Variants in SRPK1 observed in about 807,000 individuals in gnomAD.
SRPK1 encodes SFRS protein kinase 1.
Under a neutral mutation model 89.5 loss-of-function variants are expected in SRPK1, and 52 were observed. That is an observed-to-expected ratio of 0.58 (90% CI 0.46 to 0.73). The LOEUF (loss-of-function observed/expected upper bound fraction) is 0.73. Among genes scored for constraint, SRPK1 ranks in the 30% least tolerant of loss-of-function variants. The pLI, the probability that SRPK1 is intolerant of heterozygous loss-of-function variation, is 0.00. For missense variants in SRPK1, 603 were observed against 780.6 expected (o/e 0.77, Z 2.71); for synonymous variants, 255 against 270.2 (o/e 0.94, Z 0.55).
chr6:35,868,139 AT>A (rs1769948165), intron 12 of SRPK1, among the ~76,000 whole-genome samples: 1 of 151,656 alleles, frequency 6.6e-6, no homozygotes, highest in African/African-American at 2.4e-5. Context: ...CGCCTGGCTA[AT>A]TTTTTTGTAT....
intron 2 of SRPK1, among the ~76,000 whole-genome samples, chr6:35,892,730 C>T (rs1217555728): frequency 1.3e-5 from 2 of 151,866 alleles, no homozygotes; most frequent in East Asian, 3.9e-4. Flanking sequence ...AGGCAGGGTA[C>T]ACAGCATTCC....
At chr6:35,885,260 AACACACAC>A (rs71540130) in intron 6 of SRPK1, among the ~76,000 whole-genome samples, 1,170 of 111,834 alleles carry the variant, frequency 0.01, 11 homozygotes, top group Non-Finnish European at 0.014. Flanking sequence ...TAATTCTTTG[AACACACAC>A]ACACACACAC....
At chr6:35,881,451 A>T (rs937049731) in intron 6 of SRPK1, among the ~76,000 whole-genome samples, 3 of 89,690 alleles carry the variant, frequency 3.3e-5, no homozygotes, top group Middle Eastern at 5.7e-3. Flanking sequence ...ATAGATATAG[A>T]TATAGATATA....
At chr6:35,901,849 AC>A (rs1169939242) in intron 2 of SRPK1, among the ~76,000 whole-genome samples, 1 of 152,166 alleles carries the variant, frequency 6.6e-6, no homozygotes, top group Non-Finnish European at 1.5e-5. Flanking sequence ...TCCAAACTTA[AC>A]TTCTGAGACA....
intron 13 of SRPK1, among the ~76,000 whole-genome samples, chr6:35,851,055 T>C (rs1020756990): frequency 3.9e-5 from 6 of 152,196 alleles, no homozygotes; most frequent in Middle Eastern, 3.4e-3. Context: ...TAATGTAACA[T>C]GAAGGGAGAA....
intron 12 of SRPK1, 114 bp from the exon 13 acceptor site, chr6:35,857,482 T>C: frequency 1.2e-6 from 1 of 815,496 alleles, no homozygotes; most frequent in Non-Finnish European, 2.0e-6. Context: ...AAACCAAAGT[T>C]CTCACTTTGC....
intron 12 of SRPK1, among the ~76,000 whole-genome samples, chr6:35,862,136 A>C (rs933770834): frequency 2.0e-5 from 3 of 152,106 alleles, no homozygotes; most frequent in Non-Finnish European, 4.4e-5. Flanking sequence ...GGGTTGCTCC[A>C]CCACTCTAAC....
rs1370648669 is a variant in SRPK1 at position 35,836,805 on chromosome 6, ATT to A, written c.1784-1319_1784-1318del. ...ATAATAATTTTTTTTAAACATAAAAATTTTAAGTCTCTTTTGTGAGCAGTGAG... is the reference window on the plus strand; with the variant it reads ...ATAATAATTTTTTTTAAACATAAAAATTAAGTCTCTTTTGTGAGCAGTGAG... On this transcript the variant is annotated intron_variant, in intron 15 of 15. Transcript: ENST00000373825. 2.0e-4 allele frequency among the ~76,000 whole-genome samples: 30 copies of A among 151,316 alleles called. 1 individual carries two copies. Among genetic ancestry groups the A allele is most frequent in the Admixed American group, 2.0e-3 (30 of 15,192 alleles).
intron 7 of SRPK1, among the ~76,000 whole-genome samples, chr6:35,873,127 A>G (rs1262276652): frequency 1.3e-5 from 2 of 152,212 alleles, no homozygotes; most frequent in Non-Finnish European, 2.9e-5. Context: ...CCCAGTTTGG[A>G]GCTCTTTCCA....
chr6:35,855,458 G>A (rs771678561), intron 13 of SRPK1, among the ~76,000 whole-genome samples: 29 of 152,158 alleles, frequency 1.9e-4, no homozygotes, highest in Non-Finnish European at 3.5e-4. Context: ...AAACAGGTTG[G>A]AATTGTTATC....
intron 2 of SRPK1, among the ~76,000 whole-genome samples, chr6:35,918,088 G>A (rs555664016): frequency 6.6e-6 from 1 of 152,316 alleles, no homozygotes; most frequent in Non-Finnish European, 1.5e-5. Flanking sequence ...AGTTACCTTA[G>A]TTGAGGCTTG....
chr6:35,919,727 G>C (rs777025131), intron 2 of SRPK1, among the ~76,000 whole-genome samples: 1 of 152,190 alleles, frequency 6.6e-6, no homozygotes, highest in African/African-American at 2.4e-5. Flanking sequence ...CTACTGTTAT[G>C]CATCCTACTG....
chr6:35,853,888 T>TC, intron 13 of SRPK1, among the ~76,000 whole-genome samples: 1 of 62,994 alleles, frequency 1.6e-5, no homozygotes, highest in South Asian at 6.4e-4. Flanking sequence ...TCGGAGATTG[T>TC]TTTTTTTTTT....
At chr6:35,839,159 G>A (rs1769247607) in intron 14 of SRPK1, among the ~76,000 whole-genome samples, 1 of 152,200 alleles carries the variant, frequency 6.6e-6, no homozygotes, top group African/African-American at 2.4e-5. Context: ...GGGATTTCAG[G>A]CATGTGCCAC....
In SRPK1 at chr6:35,920,993, C is replaced by T. The variant is rs1325907395; in HGVS notation, c.13+51G>A. 3.3e-6 allele frequency: 5 copies of T among 1,524,468 alleles called. No homozygotes were observed. In the African/African-American group the frequency reaches 4.3e-5, roughly 13 times the overall value. The allele number at this position is 1,524,468 out of a possible 1,614,324, so 94.4% of individuals were successfully genotyped here. On this transcript the variant is annotated intron_variant, in intron 1 of 15. Transcript: ENST00000373825. ...CGAAGCTCCCGGCGCTGACCCGGGC[C>T]TCGCCCCGGCGACCATTGCCCCTCG... is the stretch of plus-strand genomic sequence containing the variant.
intron 14 of SRPK1, among the ~76,000 whole-genome samples, chr6:35,839,290 AC>A (rs1478855178): frequency 6.6e-6 from 1 of 152,216 alleles, no homozygotes; most frequent in Non-Finnish European, 1.5e-5. Flanking sequence ...TGTTGGGATT[AC>A]AGGCCTGAGC....
chr6:35,850,641 G>A (rs936112391), intron 13 of SRPK1, among the ~76,000 whole-genome samples: 1 of 150,904 alleles, frequency 6.6e-6, no homozygotes, highest in African/African-American at 2.4e-5. Flanking sequence ...ATGTACGTAA[G>A]AATTGCCGAA....
intron 13 of SRPK1, among the ~76,000 whole-genome samples, chr6:35,846,173 C>T (rs1415834231): frequency 2.0e-5 from 3 of 151,980 alleles, no homozygotes; most frequent in Non-Finnish European, 4.4e-5. Flanking sequence ...ACCTGTAGTC[C>T]CAGCACTTTG....
At chr6:35,887,193 A>G (rs575838133) in intron 5 of SRPK1, among the ~76,000 whole-genome samples, 2 of 152,236 alleles carry the variant, frequency 1.3e-5, no homozygotes, top group Non-Finnish European at 1.5e-5. Context: ...AACTTTCTCA[A>G]TGAAGAAAAC....
Sources: allele counts gnomAD v4.1 joint callset (sites outside exome capture counted in the v4.1 genomes callset), GRCh38; gene constraint gnomAD v4.1.1; transcripts MANE v1.5; gene names NCBI Gene and HGNC (gene_info 2026-07-23, HGNC 2026-07-21).